Variants in ATXN3 observed in about 807,000 individuals in gnomAD.
ATXN3 encodes the protein ataxin 3.
In ATXN3, 28 loss-of-function variants were observed where a neutral mutation model predicts 58.2. The observed-to-expected ratio is 0.48, with a 90% confidence interval of 0.36 to 0.66. ATXN3 has a LOEUF of 0.66. ATXN3 is among the 30% of genes least tolerant of loss of function. The pLI, the probability that ATXN3 is intolerant of heterozygous loss-of-function variation, is 0.00. For synonymous variants in ATXN3, 113 were observed against 138.5 expected (o/e 0.82, Z 1.29); for missense variants, 321 against 422.1 (o/e 0.76, Z 2.10).
chr14:92,101,060 A>G (rs1422527604), intron 1 of ATXN3, among the ~76,000 whole-genome samples: 3 of 152,248 alleles, frequency 2.0e-5, no homozygotes, highest in Non-Finnish European at 2.9e-5. Context: ...AAAAATAAGT[A>G]CTTGAAATCA....
intron 7 of ATXN3, among the ~76,000 whole-genome samples, 173 bp from the exon 8 acceptor site, chr14:92,082,639 T>C (rs1312513877): frequency 6.7e-6 from 1 of 149,408 alleles, no homozygotes; most frequent in Non-Finnish European, 1.5e-5. Flanking sequence ...TAAGTTTTTT[T>C]TTTCCGTTTC....
At chr14:92,091,207 T>C (rs927832191) in intron 5 of ATXN3, among the ~76,000 whole-genome samples, 6 of 151,840 alleles carry the variant, frequency 4.0e-5, no homozygotes, top group Non-Finnish European at 5.9e-5. Flanking sequence ...CCCCAGCACT[T>C]TGAGAGGCAG....
In ATXN3 at chr14:92,064,260, G is replaced by C; in HGVS notation, c.*60C>G. 1 of 1,244,850 alleles carries C rather than the reference G, an allele frequency of 8.0e-7. No homozygotes were observed. The highest frequency in any genetic ancestry group is 1.2e-6 in the Non-Finnish European group (1 of 862,922). 77.1% of individuals were successfully genotyped at this position (1,244,850 alleles called of 1,614,324 possible). On this transcript the variant is annotated 3_prime_UTR_variant, in exon 11 of 11. Coordinates refer to ENST00000644486, the MANE Select transcript of ATXN3 (RefSeq NM_004993.6). ...GACACATTACCAAAGTGGACCCTATGCTGTAATCACACAGGATAATGTTGG... is the reference window on the plus strand; with the variant it reads ...GACACATTACCAAAGTGGACCCTATCCTGTAATCACACAGGATAATGTTGG...
At chr14:92,101,730 C>T (rs560639167) in intron 1 of ATXN3, among the ~76,000 whole-genome samples, 4 of 152,098 alleles carry the variant, frequency 2.6e-5, no homozygotes, top group East Asian at 3.9e-4. Context: ...TGGTGGCAGG[C>T]GCCTGTAGTC....
intron 6 of ATXN3, among the ~76,000 whole-genome samples, chr14:92,088,049 G>C (rs1246523902): frequency 6.6e-6 from 1 of 152,034 alleles, no homozygotes; most frequent in African/African-American, 2.4e-5. Context: ...TAATCTAGGG[G>C]CATGTATTTC....
intron 1 of ATXN3, among the ~76,000 whole-genome samples, chr14:92,099,973 A>C (rs1259259878): frequency 6.6e-6 from 1 of 152,184 alleles, no homozygotes; most frequent in Non-Finnish European, 1.5e-5. Context: ...AGAAAGAAAG[A>C]AAAGAAAAAT....
rs557794586 is a variant in ATXN3, at chr14:92,068,626, T to C, written c.991+2309A>G. ...TCTTTTTGAGACAGAGTTTTGCTCTTGTTGCCCAGGCTGGAGTGCAATGGT... is the reference window on the plus strand; with the variant it reads ...TCTTTTTGAGACAGAGTTTTGCTCTCGTTGCCCAGGCTGGAGTGCAATGGT... On this transcript the variant is annotated intron_variant, in intron 10 of 10. Coordinates refer to ENST00000644486, the MANE Select transcript of ATXN3 (RefSeq NM_004993.6). Among the ~76,000 whole-genome samples the C allele has an allele frequency of 2.6e-5, 4 of 152,286 alleles. No homozygotes were observed. The East Asian group carries it at 7.7e-4, about 29-fold the overall frequency.
downstream of ATXN3, among the ~76,000 whole-genome samples, chr14:92,055,191 T>G (rs2057460972): frequency 6.6e-6 from 1 of 151,620 alleles, no homozygotes; most frequent in African/African-American, 2.4e-5. The surrounding 1 kb of genome is among the most constrained non-coding windows in gnomAD (Gnocchi z 4.5). Flanking sequence ...GGATTTTTTG[T>G]TTTTTTTACA....
At chr14:92,095,400 C>A (rs1336391942) in intron 3 of ATXN3, among the ~76,000 whole-genome samples, 1 of 152,032 alleles carries the variant, frequency 6.6e-6, no homozygotes, top group Non-Finnish European at 1.5e-5. Flanking sequence ...CGTGTCACCA[C>A]GTCCAGCTAA....
intron 1 of ATXN3, among the ~76,000 whole-genome samples, chr14:92,048,877 G>A (rs1434507894): frequency 6.6e-6 from 1 of 152,176 alleles, no homozygotes; most frequent in Non-Finnish European, 1.5e-5. Context: ...GGTGGAGACT[G>A]AAGGAACAGA....
chr14:92,095,120 C>A (rs2064880423), intron 3 of ATXN3, among the ~76,000 whole-genome samples: 1 of 149,034 alleles, frequency 6.7e-6, no homozygotes, highest in African/African-American at 2.5e-5. Context: ...AATCAAAAGC[C>A]ACAAACCATA....
chr14:92,064,140 G>A lies in ATXN3; in HGVS notation c.*180C>T, dbSNP rs1424466751. On this transcript the variant is annotated 3_prime_UTR_variant, in exon 11 of 11. Transcript: ENST00000644486. The stretch of plus-strand genomic sequence containing the variant: ...CTGAATGCCTCTTTGGCTAATATTT[G>A]GAAGATCATTATTTAGTCCTACAAC... The A allele has an allele frequency of 2.4e-6, 1 of 420,740 alleles. No homozygotes were observed. The highest frequency in any genetic ancestry group is 2.1e-5 in the African/African-American group (1 of 48,648). The allele number at this position is 420,740 out of a possible 1,614,324, so 26.1% of individuals were successfully genotyped here.
At chr14:92,093,204 TG>T in intron 5 of ATXN3, 47 bp downstream of exon 5, 1 of 1,292,206 alleles carries the variant, frequency 7.7e-7, no homozygotes, top group Non-Finnish European at 1.1e-6. Context: ...TAGTTTTAAA[TG>T]GGGTACAATA....
chr14:92,091,666 A>G, intron 5 of ATXN3, among the ~76,000 whole-genome samples: 1 of 148,640 alleles, frequency 6.7e-6, no homozygotes, highest in South Asian at 2.1e-4. Flanking sequence ...TATAAGTGAC[A>G]TATAATAAAC....
chr14:92,101,378 C>T (rs1566988843), intron 1 of ATXN3, among the ~76,000 whole-genome samples: 2 of 152,146 alleles, frequency 1.3e-5, no homozygotes, highest in African/African-American at 2.4e-5. Flanking sequence ...ATAAACATAA[C>T]TTAAGTCATA....
At chr14:92,076,339 T>G (rs1223408650) in intron 9 of ATXN3, among the ~76,000 whole-genome samples, 1 of 151,664 alleles carries the variant, frequency 6.6e-6, no homozygotes, top group Non-Finnish European at 1.5e-5. Context: ...TCCCAGCTAC[T>G]TGGGAGGCTG....
intron 1 of ATXN3, among the ~76,000 whole-genome samples, chr14:92,099,801 CGA>C (rs1192777088): frequency 6.6e-6 from 1 of 151,688 alleles, no homozygotes; most frequent in Non-Finnish European, 1.5e-5. Context: ...CCAAAAAGGT[CGA>C]GGCTACAGTA....
At chr14:92,088,484 A>G (rs1008360719) in intron 6 of ATXN3, among the ~76,000 whole-genome samples, 1 of 152,226 alleles carries the variant, frequency 6.6e-6, no homozygotes, top group Non-Finnish European at 1.5e-5. Flanking sequence ...TGTGATGTAT[A>G]AAAGAAAAAG....
At chr14:92,073,255 G>T (rs2059760413) in intron 9 of ATXN3, among the ~76,000 whole-genome samples, 2 of 152,246 alleles carry the variant, frequency 1.3e-5, no homozygotes, top group East Asian at 3.8e-4. Context: ...CCTTCCAGCT[G>T]TGAAGACACT....
Sources: gnomAD v4.1 joint callset for allele counts (sites outside exome capture counted in the v4.1 genomes callset) on GRCh38, gnomAD v4.1.1 for gene constraint, Gnocchi (gnomAD v3.1) non-coding constraint, MANE v1.5 for transcripts, NCBI Gene and HGNC (gene_info 2026-07-23, HGNC 2026-07-21) for gene names.